SUN2: variants seen among roughly 807,000 people sequenced by gnomAD.
The protein encoded by SUN2 is SUN domain-containing protein 2.
A neutral mutation model predicts 100.0 loss-of-function variants in SUN2; 60 were observed. The observed-to-expected ratio is 0.60, with a 90% CI of 0.49 to 0.74. SUN2 has a LOEUF of 0.74. Ranked by LOEUF, SUN2 falls within the 30% of genes least tolerant of loss-of-function variation. The pLI, the probability that SUN2 is intolerant of heterozygous loss-of-function variation, is 0.00. For missense variants in SUN2, 834 were observed against 954.6 expected, an observed-to-expected ratio of 0.87 and a Z score of 1.66; for synonymous variants, 367 against 403.3, an observed-to-expected ratio of 0.91 and a Z score of 1.08.
At position 38,740,432 on chromosome 22, in the gene SUN2, G is replaced by A; in HGVS notation, c.1191C>T (p.Ser397=). The A allele has an allele frequency of 6.6e-7, 1 of 1,505,016 alleles. No individual in the cohort carries two copies. Among genetic ancestry groups the A allele is most frequent in the Non-Finnish European group, 8.9e-7 (1 of 1,119,794 alleles). The allele number at this position is 1,505,016 out of a possible 1,614,324, so 93.2% of individuals were successfully genotyped here. The change falls in exon 12 of 18, where the codon AGC becomes AGT. Residue 397 remains serine (S), a splice_region_variant and synonymous_variant. Transcript: ENST00000689035. This position sits in a 1 kb window ranked among gnomAD's most constrained non-coding sequence, Gnocchi z 4.8. ...RIQQLKSEWQ[S]MTQESFQESS... is the part of the protein sequence containing the mutation. ...TCTCCTGGAAGGACTCCTGGGTCAT[G>A]CTGGTCCCAGAGAGAGAAGAGTAAG...
intron 1 of SUN2, among the ~76,000 whole-genome samples, chr22:38,753,638 C>T (rs976223498): frequency 6.6e-6 from 1 of 152,158 alleles, no homozygotes; most frequent in Non-Finnish European, 1.5e-5. Context: ...ACTGTGCTGC[C>T]ACATCTTGGT....
Position 38,750,904 on chromosome 22 carries a change from AGTC to A in SUN2, c.415_417del (p.Asp139del), listed in dbSNP as rs2092940057. 1 of 1,613,884 alleles carries A rather than the reference AGTC, an allele frequency of 6.2e-7. No individual in the cohort carries two copies. The highest frequency in any genetic ancestry group is 1.1e-5 in the South Asian group (1 of 91,086). On this transcript the variant is annotated inframe_deletion, in exon 4 of 18. Coordinates refer to ENST00000689035, the MANE Select transcript of SUN2 (RefSeq NM_015374.3). ...GGGAGGAAGCATCGCCTACCCACGT[AGTC>A]GTCCTCAGAGGAGTAGCCCGAGGAA...
rs1454358734 is a variant in SUN2 at position 38,739,091 on chromosome 22, GC to G, written c.1664-104del. 3 of 1,206,868 alleles carry G rather than the reference GC, an allele frequency of 2.5e-6. No individual in the cohort carries two copies. In the East Asian group the frequency reaches 7.6e-5, roughly 31 times the overall value. The allele number at this position is 1,206,868 out of a possible 1,614,324, so 74.8% of individuals were successfully genotyped here. A position where few individuals can be genotyped will look rare whatever the true frequency, so the allele number is the denominator to read the frequency against. On this transcript the variant is annotated intron_variant, in intron 14 of 17. Transcript: ENST00000689035. The surrounding 1 kb of genome is among the most constrained non-coding windows in gnomAD (Gnocchi z 6.7). ...TGAAGGTGGACGGCAGATGCCCCAGGCCTAGCCTTTAACCCTAACCGAGATG... is the reference window on the plus strand; with the variant it reads ...TGAAGGTGGACGGCAGATGCCCCAGGCTAGCCTTTAACCCTAACCGAGATG...
At chr22:38,748,679 T>C in intron 7 of SUN2, 34 bp downstream of exon 7, 1 of 1,613,548 alleles carries the variant, frequency 6.2e-7, no homozygotes, top group Non-Finnish European at 8.5e-7. Context: ...AACACATCTC[T>C]GTGCCTCCCT....
In SUN2 at chr22:38,750,233, G is replaced by A. The variant is rs1034862342; in HGVS notation, c.512C>T (p.Thr171Ile). Residue 171 changes from threonine (T) to isoleucine (I), a missense_variant, in exon 5 of 18, where the codon ACT (threonine) becomes ATT (isoleucine). By Grantham distance (89) the Thr-to-Ile change is moderately conservative. This residue lies in a region of SUN2 where 559 missense variants were observed against 597.7 expected (regional missense o/e 0.94). Transcript: ENST00000689035. ...CACGGGTTGCAGCCCACCTGGCGAAGTGGCCACCATCCAGAGTAAGGAGCC... is the reference window on the plus strand; with the variant it reads ...CACGGGTTGCAGCCCACCTGGCGAAATGGCCACCATCCAGAGTAAGGAGCC... ...RAGSLLWMVA[T>I]SPGRLFRLLY... 3 of 1,610,424 alleles carry A rather than the reference G, an allele frequency of 1.9e-6. No homozygotes were observed. Among genetic ancestry groups the A allele is most frequent in the Non-Finnish European group, 2.5e-6 (3 of 1,177,166 alleles).
In SUN2 at chr22:38,739,217, G is replaced by A. The variant is rs35693071; in HGVS notation, c.1663+125C>T. The A allele has an allele frequency of 5.1e-5, 58 of 1,141,550 alleles. No homozygotes were observed. The highest frequency in any genetic ancestry group is 7.2e-5 in the Non-Finnish European group (55 of 764,340). The allele number at this position is 1,141,550 out of a possible 1,614,324, so 70.7% of individuals were successfully genotyped here. A position where few individuals can be genotyped will look rare whatever the true frequency, so the allele number is the denominator to read the frequency against. ...CCACTTGCCTTTGTCATGGGTACTA[G>A]GTTGGGTGATTTCTGCTGATCCTGA... On this transcript the variant is annotated intron_variant, in intron 14 of 17. Coordinates refer to ENST00000689035, the MANE Select transcript of SUN2 (RefSeq NM_015374.3). This position sits in a 1 kb window ranked among gnomAD's most constrained non-coding sequence, Gnocchi z 6.7.
At position 38,740,882 on chromosome 22, in the gene SUN2, C is replaced by T; in HGVS notation, c.1190+125G>A. On this transcript the variant is annotated intron_variant, in intron 11 of 17. Coordinates refer to ENST00000689035, the MANE Select transcript of SUN2 (RefSeq NM_015374.3). The surrounding 1 kb of genome is among the most constrained non-coding windows in gnomAD (Gnocchi z 4.8). ...GTCCTGAGCTGGGTTTCAACCCCTC[C>T]CCCTACCATCTGCTTGGCAAGATGA... The T allele has an allele frequency of 1.8e-6, 2 of 1,096,170 alleles. No individual in the cohort carries two copies. The highest frequency in any genetic ancestry group is 1.6e-5 in the African/African-American group (1 of 64,482). 67.9% of individuals were successfully genotyped at this position (1,096,170 alleles called of 1,614,324 possible).
chr22:38,749,886 G>T (rs374922536), intron 5 of SUN2, 27 bp from the exon 6 acceptor site: 1 of 1,599,820 alleles, frequency 6.3e-7, no homozygotes, highest in Non-Finnish European at 8.5e-7. Context: ...CAAGCCGAAG[G>T]CTCCATATGG....
intron 2 of SUN2, 36 bp from the exon 3 acceptor site, chr22:38,751,409 G>A (rs2092945167): frequency 6.2e-7 from 1 of 1,608,952 alleles, no homozygotes; most frequent in Non-Finnish European, 8.5e-7. Flanking sequence ...GTAGGGAGCA[G>A]GGAGGTGAGC....
intron 1 of SUN2, chr22:38,754,810 C>T: frequency 1.6e-6 from 2 of 1,282,654 alleles, no homozygotes; most frequent in South Asian, 2.5e-5. Context: ...GTGCTGAAAA[C>T]TGTCAGCACC....
Position 38,739,654 on chromosome 22 carries a change from G to A in SUN2, c.1578+68C>T. On this transcript the variant is annotated intron_variant, in intron 13 of 17. Transcript: ENST00000689035. This position sits in a 1 kb window ranked among gnomAD's most constrained non-coding sequence, Gnocchi z 6.7. ...AACCTGCCAGGGAGCTGGCAGTGTG[G>A]GACTGTCCAGGGCTCCCAGGGAGGA... is the stretch of plus-strand genomic sequence containing the variant. 6.5e-7 allele frequency: 1 copy of A among 1,549,770 alleles called. No homozygotes were observed. Among genetic ancestry groups the A allele is most frequent in the Non-Finnish European group, 8.8e-7 (1 of 1,133,346 alleles).
Position 38,739,127 on chromosome 22 carries a change from G to T in SUN2, c.1664-139C>A. The T allele has an allele frequency of 1.0e-6, 1 of 970,564 alleles. No homozygotes were observed. The highest frequency in any genetic ancestry group is 1.6e-6 in the Non-Finnish European group (1 of 631,978). The allele number at this position is 970,564 out of a possible 1,614,324, so 60.1% of individuals were successfully genotyped here. ...AACCCTAACCGAGATGCTCAGAGCA[G>T]CTTTAAAGGTCAGCCTCTCCCTGGC... is the stretch of plus-strand genomic sequence containing the variant. On this transcript the variant is annotated intron_variant, in intron 14 of 17. Coordinates refer to ENST00000689035, the MANE Select transcript of SUN2 (RefSeq NM_015374.3). The surrounding 1 kb of genome is among the most constrained non-coding windows in gnomAD (Gnocchi z 6.7).
intron 10 of SUN2, 132 bp downstream of exon 10, chr22:38,741,362 G>A: frequency 3.2e-6 from 3 of 936,866 alleles, no homozygotes; most frequent in South Asian, 1.5e-5. Flanking sequence ...AAACAGAGAA[G>A]TCAGAGGAGG....
At chr22:38,742,216 A>G (rs1331562701) in intron 9 of SUN2, 85 bp downstream of exon 9, 1 of 1,477,612 alleles carries the variant, frequency 6.8e-7, no homozygotes, top group Non-Finnish European at 9.1e-7. Context: ...ATCCCAAATG[A>G]CACTTGTTCT....
At chr22:38,754,619 T>G in intron 1 of SUN2, 33 of 441,746 alleles carry the variant, frequency 7.5e-5, no homozygotes, top group Non-Finnish European at 1.2e-4. Flanking sequence ...CCCCCCTCCC[T>G]GCCCCGCCCG....
Position 38,739,070 on chromosome 22 carries a change from G to T in SUN2, c.1664-82C>A. 7.2e-7 allele frequency: 1 copy of T among 1,381,952 alleles called. No homozygotes were observed. The highest frequency in any genetic ancestry group is 2.0e-5 in the Admixed American group (1 of 50,746). The allele number at this position is 1,381,952 out of a possible 1,614,324, so 85.6% of individuals were successfully genotyped here. On this transcript the variant is annotated intron_variant, in intron 14 of 17. Transcript: ENST00000689035. This position sits in a 1 kb window ranked among gnomAD's most constrained non-coding sequence, Gnocchi z 6.7. ...GGCCATTGGCTGTCTCCTCGCTGAA[G>T]GTGGACGGCAGATGCCCCAGGCCTA...
chr22:38,754,720 A>T, intron 1 of SUN2: 1 of 1,288,606 alleles, frequency 7.8e-7, no homozygotes, highest in Non-Finnish European at 1.0e-6. Flanking sequence ...TGCCCAGGGC[A>T]GAAACAAGGC....
intron 7 of SUN2, among the ~76,000 whole-genome samples, chr22:38,748,057 T>C (rs2092917694): frequency 6.6e-6 from 1 of 152,164 alleles, no homozygotes; most frequent in Non-Finnish European, 1.5e-5. Context: ...GGCTCATGCC[T>C]GTAATCCCAG....
chr22:38,736,232 C>T lies in SUN2; in HGVS notation c.*35G>A. On this transcript the variant is annotated 3_prime_UTR_variant, in exon 18 of 18. Transcript: ENST00000689035. ...AGCGGCGGGGTGCTGTTCACCCACT[C>T]CCAGATGGCTGGCAGCAGGCACCAG... is the stretch of plus-strand genomic sequence containing the variant. The T allele has an allele frequency of 6.3e-7, 1 of 1,594,198 alleles. No individual in the cohort carries two copies. Among genetic ancestry groups the T allele is most frequent in the Non-Finnish European group, 8.6e-7 (1 of 1,165,132 alleles).
Sources: gnomAD v4.1 joint callset for allele counts (sites outside exome capture counted in the v4.1 genomes callset) on GRCh38, gnomAD v4.1.1 for gene constraint, gnomAD v4.1.1 regional missense constraint, Gnocchi (gnomAD v3.1) non-coding constraint, MANE v1.5 for transcripts, NCBI Gene and HGNC (gene_info 2026-07-23, HGNC 2026-07-21) for gene names.